Variants in SCARB1 observed in about 807,000 individuals in gnomAD.
SCARB1 encodes scavenger receptor class B member 1.
A neutral mutation model predicts 57.2 loss-of-function variants in SCARB1; 30 were observed. That is an observed-to-expected ratio of 0.52 (90% CI 0.39 to 0.71). The LOEUF (loss-of-function observed/expected upper bound fraction) is 0.71. Ranked by LOEUF, SCARB1 falls within the 30% of genes least tolerant of loss-of-function variation. The pLI is 0.00. For missense variants in SCARB1, 543 were observed against 671.2 expected (o/e 0.81, Z 2.11); for synonymous variants, 249 against 268.3 (o/e 0.93, Z 0.70).
chr12:124,821,439 C>A (rs1049924108), intron 1 of SCARB1: 9 of 985,224 alleles, frequency 9.1e-6, no homozygotes, highest in Non-Finnish European at 1.1e-5. Flanking sequence ...AGGGCTAAAC[C>A]AAGAAGTCAT....
intron 12 of SCARB1, among the ~76,000 whole-genome samples, chr12:124,781,573 C>G (rs1873476489): frequency 1.3e-5 from 2 of 152,180 alleles, no homozygotes; most frequent in Admixed American, 1.3e-4. Flanking sequence ...GCAGAACCCC[C>G]AGGGGCATCA....
chr12:124,812,533 C>T lies in SCARB1; in HGVS notation c.631-568G>A, dbSNP rs1391553788. ...TGGTTGTTCTAAGCCATGGAGATTC[C>T]GGGGCTGCTTGTCACAGCAGCAAAA... On this transcript the variant is annotated intron_variant, in intron 4 of 12. Coordinates refer to ENST00000261693, the MANE Select transcript of SCARB1 (RefSeq NM_005505.5). This position sits in a 1 kb window ranked among gnomAD's most constrained non-coding sequence, Gnocchi z 4.3. Among the ~76,000 whole-genome samples the T allele has an allele frequency of 5.3e-5, 8 of 152,322 alleles. No homozygotes were observed. Among genetic ancestry groups the T allele is most frequent in the East Asian group, 3.9e-4 (2 of 5,182 alleles).
At chr12:124,850,890 C>G (rs1018175412) in intron 1 of SCARB1, among the ~76,000 whole-genome samples, 1 of 152,214 alleles carries the variant, frequency 6.6e-6, no homozygotes, top group Non-Finnish European at 1.5e-5. Flanking sequence ...ATGGCCGCCT[C>G]TTCCCCCGAC....
At chr12:124,811,398 G>A (rs1950520911) in intron 5 of SCARB1, among the ~76,000 whole-genome samples, 2 of 152,114 alleles carry the variant, frequency 1.3e-5, no homozygotes, top group South Asian at 4.1e-4. Context: ...CTCAGCTCAT[G>A]AGTAGCTGGG....
intron 11 of SCARB1, chr12:124,784,347 A>G (rs947598879): frequency 6.6e-6 from 1 of 152,242 alleles, no homozygotes; most frequent in Admixed American, 6.5e-5. Context: ...GGGGGCTCCC[A>G]AAAGGGCTGG....
chr12:124,840,816 C>T (rs573752853), intron 1 of SCARB1, among the ~76,000 whole-genome samples: 96 of 152,288 alleles, frequency 6.3e-4, no homozygotes, highest in South Asian at 5.2e-3. Context: ...TCTCTGCCTC[C>T]CCGCTTCCAG....
At chr12:124,784,594 G>A (rs1949444378) in intron 11 of SCARB1, 1 of 152,544 alleles carries the variant, frequency 6.6e-6, no homozygotes, top group South Asian at 2.1e-4. Flanking sequence ...AGGGGAAGAG[G>A]AAGAATCATT....
At chr12:124,821,248 ACACACACACACG>A (rs889871146) in intron 1 of SCARB1, 20 of 303,792 alleles carry the variant, frequency 6.6e-5, no homozygotes, top group African/African-American at 4.3e-4. Flanking sequence ...ACACACACAC[ACACACACACACG>A]CACACACACG....
At chr12:124,794,787 G>A (rs376885875) in intron 9 of SCARB1, among the ~76,000 whole-genome samples, 5 of 152,014 alleles carry the variant, frequency 3.3e-5, no homozygotes, top group Non-Finnish European at 5.9e-5. Context: ...CAAATTAGCC[G>A]GGCGTGGTGG....
chr12:124,858,976 G>C (rs1335946676), intron 1 of SCARB1, among the ~76,000 whole-genome samples: 3 of 152,098 alleles, frequency 2.0e-5, no homozygotes, highest in Admixed American at 1.3e-4. Flanking sequence ...CTGGGCTCAA[G>C]ATATCCTCCC....
chr12:124,851,898 A>C (rs1952418617), intron 1 of SCARB1, among the ~76,000 whole-genome samples: 1 of 152,056 alleles, frequency 6.6e-6, no homozygotes, highest in South Asian at 2.1e-4. Flanking sequence ...TGACACCTGT[A>C]ATCCTAACAC....
At chr12:124,842,354 G>C (rs569085413) in intron 1 of SCARB1, among the ~76,000 whole-genome samples, 2 of 152,190 alleles carry the variant, frequency 1.3e-5, no homozygotes. Context: ...AGCTGGAGAC[G>C]CTGCCGGAAA....
In SCARB1 at chr12:124,803,598, C is replaced by T. The variant is rs140550031; in HGVS notation, c.1010-3356G>A. Among the ~76,000 whole-genome samples the T allele has an allele frequency of 1.3e-3, 185 of 137,874 alleles. 2 individuals are homozygous for T. Among genetic ancestry groups the T allele is most frequent in the African/African-American group, 4.8e-3 (178 of 36,734 alleles). The allele number at this position is 137,874 out of a possible 152,430, so 90.5% of individuals were successfully genotyped here. ...ACAAAGCAAAAAACCCCAAAAACTG[C>T]ATGAGTCATCTGGGAACTTCTTTGT... On this transcript the variant is annotated intron_variant, in intron 7 of 12. Coordinates refer to ENST00000261693, the MANE Select transcript of SCARB1 (RefSeq NM_005505.5).
chr12:124,831,890 C>T (rs1045353585), intron 1 of SCARB1, among the ~76,000 whole-genome samples: 1 of 152,166 alleles, frequency 6.6e-6, no homozygotes, highest in Admixed American at 6.5e-5. Context: ...AGCAGAGGGG[C>T]GTCCTGCAAA....
In SCARB1 at chr12:124,789,847, C is replaced by G. The variant is rs1468913742; in HGVS notation, c.1203-2390G>C. Among the ~76,000 whole-genome samples the G allele has an allele frequency of 2.0e-5, 3 of 151,570 alleles. No individual in the cohort carries two copies. The highest frequency in any genetic ancestry group is 7.3e-5 in the African/African-American group (3 of 41,172). On this transcript the variant is annotated intron_variant, in intron 9 of 12. Coordinates refer to ENST00000261693, the MANE Select transcript of SCARB1 (RefSeq NM_005505.5). This position sits in a 1 kb window ranked among gnomAD's most constrained non-coding sequence, Gnocchi z 4.4. ...GCAACATGGTGAAACCCCATCTCTA[C>G]TAAAAATATAAAAATTGGCCGGACG...
chr12:124,787,380 C>T (rs763093735), intron 10 of SCARB1, 26 bp downstream of exon 10: 34 of 1,611,610 alleles, frequency 2.1e-5, no homozygotes, highest in Middle Eastern at 3.3e-4. Flanking sequence ...CAAAAGCCCC[C>T]GACGCTGTGC....
intron 1 of SCARB1, among the ~76,000 whole-genome samples, chr12:124,828,673 C>G (rs1043604267): frequency 6.6e-6 from 1 of 152,210 alleles, no homozygotes; most frequent in African/African-American, 2.4e-5. Context: ...GACAGAGCCC[C>G]AGGCTCCGTA....
chr12:124,849,699 G>A (rs1313736016), intron 1 of SCARB1, among the ~76,000 whole-genome samples: 1 of 152,206 alleles, frequency 6.6e-6, no homozygotes, highest in Non-Finnish European at 1.5e-5. Context: ...AAAAATAAAA[G>A]ATAGAACTGA....
intron 1 of SCARB1, among the ~76,000 whole-genome samples, chr12:124,838,775 C>CTTTTTT (rs1174317110): frequency 1.0e-4 from 12 of 117,304 alleles, no homozygotes; most frequent in South Asian, 3.0e-4. Flanking sequence ...CCAACTTAGC[C>CTTTTTT]TTTTTTTTTT....
Sources: gnomAD v4.1 joint callset for allele counts (sites outside exome capture counted in the v4.1 genomes callset) on GRCh38, gnomAD v4.1.1 for gene constraint, Gnocchi (gnomAD v3.1) non-coding constraint, MANE v1.5 for transcripts, NCBI Gene and HGNC (gene_info 2026-07-23, HGNC 2026-07-21) for gene names.